The following MLYCD variants were observed in gnomAD, a reference collection of about 807,000 sequenced individuals.
MLYCD encodes the protein malonyl-CoA decarboxylase, also known as malonyl-CoA decarboxylase, mitochondrial.
In MLYCD, 27 loss-of-function variants were observed where a neutral mutation model predicts 35.8. The ratio of observed to expected loss-of-function variants is 0.75; its 90% confidence interval spans 0.56 to 1.04. The LOEUF (loss-of-function observed/expected upper bound fraction) is 1.04, where lower values mean the gene tolerates loss of function less well. Among genes scored for constraint, MLYCD ranks in the 50% least tolerant of loss-of-function variants. The pLI, the probability that MLYCD is intolerant of heterozygous loss-of-function variation, is 0.00. For synonymous variants in MLYCD, 403 were observed against 302.4 expected (o/e 1.33, Z -3.45); for missense variants, 917 against 665.1 (o/e 1.38, Z -4.17).
intron 2 of MLYCD, 139 bp downstream of exon 2, chr16:83,907,238 T>C: frequency 2.5e-6 from 2 of 785,994 alleles, no homozygotes; most frequent in Non-Finnish European, 4.2e-6. Flanking sequence ...AAACACAGTA[T>C]TTGCAAATGC....
chr16:83,902,047 G>A (rs1567631593), intron 1 of MLYCD, among the ~76,000 whole-genome samples: 1 of 151,416 alleles, frequency 6.6e-6, no homozygotes, highest in Non-Finnish European at 1.5e-5. Flanking sequence ...GTAACTGTTA[G>A]TAGCTGAACC....
intron 1 of MLYCD, among the ~76,000 whole-genome samples, chr16:83,901,783 C>G (rs1250154790): frequency 1.3e-5 from 2 of 152,122 alleles, no homozygotes; most frequent in Non-Finnish European, 2.9e-5. Flanking sequence ...GCTGCTGAGT[C>G]CTTAGACATT....
chr16:83,908,923 T>C (rs2151057438), intron 3 of MLYCD, among the ~76,000 whole-genome samples: 1 of 152,292 alleles, frequency 6.6e-6, no homozygotes, highest in East Asian at 1.9e-4. Flanking sequence ...CCCTGGGGCA[T>C]TGCAGGTTTG....
chr16:83,910,099 G>A (rs911283202), intron 3 of MLYCD, among the ~76,000 whole-genome samples: 1 of 152,048 alleles, frequency 6.6e-6, no homozygotes, highest in South Asian at 2.1e-4. Context: ...GTGCATTTGT[G>A]TGCGTACCGA....
At position 83,899,599 on chromosome 16, in the gene MLYCD, G is replaced by C; in HGVS notation, c.455G>C (p.Arg152Pro). 1.3e-6 allele frequency: 2 copies of C among 1,585,100 alleles called. No individual in the cohort carries two copies. Among genetic ancestry groups the C allele is most frequent in the East Asian group, 2.3e-5 (1 of 43,858 alleles). Residue 152 changes from arginine (R) to proline (P), a missense_variant, in exon 1 of 5, where the codon CGC (arginine) becomes CCC (proline). Transcript: ENST00000262430. The part of the protein sequence containing the change: ...HHISKLDGGV[R>P]FLVQLRADLL... Reference sequence around the variant, plus strand: ...ATCAGCAAGCTGGACGGCGGCGTGCGCTTCCTGGTGCAGCTGCGGGCCGAC... The same window carrying C: ...ATCAGCAAGCTGGACGGCGGCGTGCCCTTCCTGGTGCAGCTGCGGGCCGAC...
At position 83,912,380 on chromosome 16, in the gene MLYCD, C is replaced by T; in HGVS notation, c.948+13C>T. On this transcript the variant is annotated intron_variant, in intron 4 of 4. Coordinates refer to ENST00000262430, the MANE Select transcript of MLYCD (RefSeq NM_012213.3). ...CAAGGAGTTGCAGGTAAGCGACACG[C>T]AGGGAGCCCCGGTCACGCTTGGCTT... 2 of 1,614,048 alleles carry T rather than the reference C, an allele frequency of 1.2e-6. No individual in the cohort carries two copies. Among genetic ancestry groups the T allele is most frequent in the Non-Finnish European group, 1.7e-6 (2 of 1,180,012 alleles).
chr16:83,907,983 A>C (rs902282582), intron 2 of MLYCD, 143 bp from the exon 3 acceptor site: 1 of 1,044,838 alleles, frequency 9.6e-7, no homozygotes, highest in African/African-American at 1.6e-5. Flanking sequence ...CATGAAAATG[A>C]CTTTCTTTGA....
chr16:83,909,895 A>C (rs1026637830), intron 3 of MLYCD, among the ~76,000 whole-genome samples: 39 of 151,922 alleles, frequency 2.6e-4, no homozygotes, highest in African/African-American at 8.7e-4. Flanking sequence ...GGCTTCCCAA[A>C]GTGCTGGGAC....
intron 4 of MLYCD, chr16:83,913,844 A>G (rs1384483984): frequency 6.6e-6 from 1 of 151,868 alleles, no homozygotes; most frequent in African/African-American, 2.4e-5. Context: ...GGTGGGGGAA[A>G]AACCCCGGGA....
chr16:83,899,651 G>C lies in MLYCD; in HGVS notation c.507G>C (p.Leu169=). The C allele has an allele frequency of 1.3e-6, 2 of 1,541,348 alleles. No homozygotes were observed. The highest frequency in any genetic ancestry group is 1.9e-4 in the Middle Eastern group (1 of 5,178). ...TGCTGGAGGCGCAGGCCCTCAAGCTGGTGGAGGGGCCGGACGTCCGGGTAA... is the reference window on the plus strand; with the variant it reads ...TGCTGGAGGCGCAGGCCCTCAAGCTCGTGGAGGGGCCGGACGTCCGGGTAA... ...ADLLEAQALK[L]VEGPDVREMN... Residue 169 remains leucine, a synonymous_variant, in exon 1 of 5, where the codon CTG becomes CTC. Coordinates refer to ENST00000262430, the MANE Select transcript of MLYCD (RefSeq NM_012213.3).
In MLYCD at chr16:83,921,712, T is replaced by C. The variant is rs1907661085; in HGVS notation, c.*6223T>C. On this transcript the variant is annotated 3_prime_UTR_variant, in exon 5 of 5. Transcript: ENST00000262430. ...TACGTCTCACTCTTACTGTAGAACC[T>C]CTAGAAAGGCAGGTGGCTTCCAGCT... The C allele has an allele frequency of 6.6e-6, 1 of 152,228 alleles. No individual in the cohort carries two copies. 9.4% of individuals were successfully genotyped at this position (152,228 alleles called of 1,614,324 possible). A position where few individuals can be genotyped will look rare whatever the true frequency, so the allele number is the denominator to read the frequency against.
chr16:83,909,249 G>GGA (rs57802742), intron 3 of MLYCD, among the ~76,000 whole-genome samples: 11,039 of 152,128 alleles, frequency 0.073, 475 homozygotes, highest in East Asian at 0.11. Context: ...CTTCTCCTGG[G>GGA]GAGATGCTCA....
At position 83,912,273 on chromosome 16, in the gene MLYCD, C is replaced by T; in HGVS notation, c.854C>T (p.Ala285Val). The T allele has an allele frequency of 6.2e-7, 1 of 1,614,218 alleles. No homozygotes were observed. Among genetic ancestry groups the T allele is most frequent in the Middle Eastern group, 1.6e-4 (1 of 6,062 alleles). The change falls in exon 4 of 5, where the codon GCT (alanine) becomes GTT (valine). Residue 285 changes from alanine (A) to valine (V), a missense_variant. Coordinates refer to ENST00000262430, the MANE Select transcript of MLYCD (RefSeq NM_012213.3). ...SETEEKNKIT[A>V]AIFYSISLTQ... ...ACAGAAGAGAAGAACAAAATCACTG[C>T]TGCGATCTTTTATTCCATCAGCTTG...
rs1418275485 is a variant in MLYCD at position 83,921,912 on chromosome 16, A to C, written c.*6423A>C. 1 of 152,222 alleles carries C rather than the reference A, an allele frequency of 6.6e-6. No homozygotes were observed. The highest frequency in any genetic ancestry group is 1.9e-4 in the East Asian group (1 of 5,188). The allele number at this position is 152,222 out of a possible 1,614,324, so 9.4% of individuals were successfully genotyped here. A position where few individuals can be genotyped will look rare whatever the true frequency, so the allele number is the denominator to read the frequency against. On this transcript the variant is annotated 3_prime_UTR_variant, in exon 5 of 5. Transcript: ENST00000262430. ...GAACTACACCCTACAGGAAAGTGCT[A>C]CTCAGTGCCCAGGTGACATCGTCAC...
chr16:83,903,812 C>A (rs111301275), intron 1 of MLYCD, among the ~76,000 whole-genome samples: 1 of 152,168 alleles, frequency 6.6e-6, no homozygotes, highest in Admixed American at 6.5e-5. Flanking sequence ...TGAGAACTGT[C>A]GCTGCCCTTA....
intron 4 of MLYCD, 138 bp from the exon 5 acceptor site, chr16:83,914,814 TAAAC>T: frequency 8.1e-7 from 1 of 1,230,680 alleles, no homozygotes; most frequent in South Asian, 1.2e-5. Flanking sequence ...TGAAAGAAGA[TAAAC>T]AACATGTATC....
At position 83,912,869 on chromosome 16, in the gene MLYCD, G is replaced by A. The variant is rs373350590; in HGVS notation, c.948+502G>A. 3.4e-5 allele frequency: 7 copies of A among 206,128 alleles called. No homozygotes were observed. The East Asian group carries it at 5.6e-4, about 17-fold the overall frequency. 12.8% of individuals were successfully genotyped at this position (206,128 alleles called of 1,614,324 possible). A position where few individuals can be genotyped will look rare whatever the true frequency, so the allele number is the denominator to read the frequency against. ...GTGCTGAGGTGAGACCAGACAGCTC[G>A]AAGGTAAATGCATCGGCTTTTAATC... On this transcript the variant is annotated intron_variant, in intron 4 of 4. Coordinates refer to ENST00000262430, the MANE Select transcript of MLYCD (RefSeq NM_012213.3).
Position 83,915,841 on chromosome 16 carries a change from G to C in MLYCD, c.*352G>C. On this transcript the variant is annotated 3_prime_UTR_variant, in exon 5 of 5. Coordinates refer to ENST00000262430, the MANE Select transcript of MLYCD (RefSeq NM_012213.3). ...GCCTCTGCCATTGCCATCCCAGGGGGATCTGGCATCCTCCTAAGGACCGGG... is the reference window on the plus strand; with the variant it reads ...GCCTCTGCCATTGCCATCCCAGGGGCATCTGGCATCCTCCTAAGGACCGGG... 1 of 1,217,404 alleles carries C rather than the reference G, an allele frequency of 8.2e-7. No homozygotes were observed. Among genetic ancestry groups the C allele is most frequent in the Non-Finnish European group, 1.0e-6 (1 of 964,188 alleles). 75.4% of individuals were successfully genotyped at this position (1,217,404 alleles called of 1,614,324 possible).
At position 83,927,016 on chromosome 16, in the gene MLYCD, A is replaced by AT. The variant is rs1555540814; in HGVS notation, c.*11527_*11528insT. 6.6e-5 allele frequency: 10 copies of AT among 151,976 alleles called. No homozygotes were observed. Among genetic ancestry groups the AT allele is most frequent in the African/African-American group, 2.4e-4 (10 of 41,312 alleles). The allele number at this position is 151,976 out of a possible 1,614,324, so 9.4% of individuals were successfully genotyped here. A position where few individuals can be genotyped will look rare whatever the true frequency, so the allele number is the denominator to read the frequency against. Reference sequence around the variant, plus strand: ...ACGTCTCAAAAAAAAATAAAAATAAAAAAATAAAATCCTAACAGGTAGCAT... The same window carrying AT: ...ACGTCTCAAAAAAAAATAAAAATAAATAAAATAAAATCCTAACAGGTAGCAT... On this transcript the variant is annotated 3_prime_UTR_variant, in exon 5 of 5. Coordinates refer to ENST00000262430, the MANE Select transcript of MLYCD (RefSeq NM_012213.3).
Sources: allele counts gnomAD v4.1 joint callset (sites outside exome capture counted in the v4.1 genomes callset), GRCh38; gene constraint gnomAD v4.1.1; transcripts MANE v1.5; gene names NCBI Gene and HGNC (gene_info 2026-07-23, HGNC 2026-07-21).